Variants in SLC44A5 observed in about 807,000 individuals in gnomAD.
The protein encoded by SLC44A5 is solute carrier family 44 member 5, also known as choline transporter-like protein 5.
A neutral mutation model predicts 101.8 loss-of-function variants in SLC44A5; 57 were observed. The ratio of observed to expected loss-of-function variants is 0.56; its 90% CI spans 0.45 to 0.70. The LOEUF (loss-of-function observed/expected upper bound fraction) is 0.70, where lower values mean the gene tolerates loss of function less well. Among genes scored for constraint, SLC44A5 ranks in the 30% least tolerant of loss-of-function variants. The pLI is 0.00. For missense variants in SLC44A5, 737 were observed against 853.1 expected, an observed-to-expected ratio of 0.86 and a Z score of 1.70; for synonymous variants, 281 against 290.9, an observed-to-expected ratio of 0.97 and a Z score of 0.35.
At chr1:75,581,985 T>C in intron 1 of SLC44A5, 1 of 465,364 alleles carries the variant, frequency 2.1e-6, no homozygotes. Context: ...TTACCCAGCC[T>C]CGGGTGTTCT....
intron 3 of SLC44A5, among the ~76,000 whole-genome samples, chr1:75,350,050 C>T (rs1055008939): frequency 1.3e-5 from 2 of 152,034 alleles, no homozygotes; most frequent in African/African-American, 4.8e-5. Flanking sequence ...TGTTTATGCC[C>T]TCCCAAAGTT....
At chr1:75,497,721 G>A (rs2101829704) in intron 2 of SLC44A5, among the ~76,000 whole-genome samples, 1 of 152,014 alleles carries the variant, frequency 6.6e-6, no homozygotes, top group South Asian at 2.1e-4. Flanking sequence ...AGTTTCTTTT[G>A]TATATGTATA....
intron 2 of SLC44A5, among the ~76,000 whole-genome samples, chr1:75,441,672 A>AT (rs930256861): frequency 7.2e-5 from 11 of 152,086 alleles, no homozygotes; most frequent in African/African-American, 2.7e-4. Context: ...ACACAGAAAG[A>AT]TTTTTTTAAG....
intron 2 of SLC44A5, among the ~76,000 whole-genome samples, chr1:75,532,733 T>C (rs1173656884): frequency 6.6e-6 from 1 of 152,160 alleles, no homozygotes; most frequent in African/African-American, 2.4e-5. Context: ...TGGCACATTA[T>C]AAGCACTCAA....
At chr1:75,268,225 C>T (rs759853701) in intron 6 of SLC44A5, among the ~76,000 whole-genome samples, 5 of 152,060 alleles carry the variant, frequency 3.3e-5, no homozygotes, top group African/African-American at 4.8e-5. Flanking sequence ...GCACTTATTG[C>T]CTCTGGCTTG....
chr1:75,210,170 C>T (rs2100444014), intron 23 of SLC44A5, among the ~76,000 whole-genome samples: 1 of 152,074 alleles, frequency 6.6e-6, no homozygotes, highest in South Asian at 2.1e-4. Flanking sequence ...CCTCAGCCTC[C>T]TGGGTAGCTA....
the SLC44A5 span, among the ~76,000 whole-genome samples, chr1:75,649,188 C>G: frequency 9.0e-3 from 1,365 of 152,218 alleles, 21 homozygotes; most frequent in African/African-American, 0.031. Context: ...TTTCATTCTC[C>G]GTTAGTATTT....
At chr1:75,220,707 A>T (rs995345885) in intron 14 of SLC44A5, among the ~76,000 whole-genome samples, 1 of 152,204 alleles carries the variant, frequency 6.6e-6, no homozygotes, top group African/African-American at 2.4e-5. Context: ...TCTTTTCAGC[A>T]TATGACACTG....
upstream of SLC44A5, among the ~76,000 whole-genome samples, chr1:75,614,311 G>A (rs532472891): frequency 6.6e-6 from 1 of 152,294 alleles, no homozygotes; most frequent in East Asian, 1.9e-4. Context: ...GGGGGAATCA[G>A]AGGTTTAAAG....
At chr1:75,439,711 T>A (rs1665089515) in intron 2 of SLC44A5, among the ~76,000 whole-genome samples, 1 of 152,002 alleles carries the variant, frequency 6.6e-6, no homozygotes, top group South Asian at 2.1e-4. Flanking sequence ...AAAGAGTAGA[T>A]TTAAAAGATC....
the SLC44A5 span, among the ~76,000 whole-genome samples, chr1:75,649,328 G>T: frequency 1.3e-5 from 2 of 152,126 alleles, no homozygotes; most frequent in Admixed American, 6.6e-5. Flanking sequence ...AACAGTTGAG[G>T]TCACTCCTGA....
chr1:75,284,739 A>T (rs1652897629), intron 5 of SLC44A5, among the ~76,000 whole-genome samples: 1 of 152,082 alleles, frequency 6.6e-6, no homozygotes. Flanking sequence ...ATTTTATCAA[A>T]TGCTTTTCCT....
intron 1 of SLC44A5, among the ~76,000 whole-genome samples, chr1:75,549,223 C>G (rs1035554054): frequency 6.6e-6 from 1 of 152,144 alleles, no homozygotes; most frequent in African/African-American, 2.4e-5. Context: ...GCATTGTTCT[C>G]TGTTCTTGAG....
Position 75,215,727 on chromosome 1 carries a change from T to G in SLC44A5, c.1728+27A>C, listed in dbSNP as rs376485783. 1.6e-5 allele frequency: 22 copies of G among 1,348,774 alleles called. No individual in the cohort carries two copies. The African/African-American group carries it at 2.7e-4, about 17-fold the overall frequency. 83.6% of individuals were successfully genotyped at this position (1,348,774 alleles called of 1,614,324 possible). A position where few individuals can be genotyped will look rare whatever the true frequency, so the allele number is the denominator to read the frequency against. ...GGTTTGGGATTGCAAAGAAGCAGCT[T>G]AGTAAATAATAAAATAATCTACCTA... On this transcript the variant is annotated intron_variant, in intron 19 of 23. Coordinates refer to ENST00000370859, the MANE Select transcript of SLC44A5 (RefSeq NM_001130058.2).
At chr1:75,651,435 C>G in the SLC44A5 span, among the ~76,000 whole-genome samples, 2 of 151,946 alleles carry the variant, frequency 1.3e-5, no homozygotes, top group Non-Finnish European at 2.9e-5. Context: ...CTTTTTACTC[C>G]AAAACAATAC....
At chr1:75,622,121 T>A in the SLC44A5 span, among the ~76,000 whole-genome samples, 2 of 152,116 alleles carry the variant, frequency 1.3e-5, no homozygotes, top group South Asian at 4.1e-4. Flanking sequence ...TGATGATCCT[T>A]AACTCAGAAA....
chr1:75,326,096 G>A (rs1014396798), intron 4 of SLC44A5, among the ~76,000 whole-genome samples: 2 of 32,212 alleles, frequency 6.2e-5, no homozygotes, highest in African/African-American at 3.1e-4. Flanking sequence ...CTCTCTCTCC[G>A]TGTGTGTGTG....
chr1:75,647,479 G>A, the SLC44A5 span, among the ~76,000 whole-genome samples: 1 of 152,140 alleles, frequency 6.6e-6, no homozygotes, highest in Non-Finnish European at 1.5e-5. Context: ...TGAGAAGAAG[G>A]CCACCACCCT....
chr1:75,208,156 C>T (rs1419287183), intron 23 of SLC44A5, among the ~76,000 whole-genome samples: 1 of 152,018 alleles, frequency 6.6e-6, no homozygotes, highest in African/African-American at 2.4e-5. Context: ...AACAAATCTT[C>T]GGTTTTTTGT....
Sources: allele counts gnomAD v4.1 joint callset (sites outside exome capture counted in the v4.1 genomes callset), GRCh38; gene constraint gnomAD v4.1.1; transcripts MANE v1.5; gene names NCBI Gene and HGNC (gene_info 2026-07-23, HGNC 2026-07-21).